Variants in NRXN3 observed in about 807,000 individuals in gnomAD.
NRXN3 encodes neurexin 3.
Under a neutral mutation model 137.6 loss-of-function variants are expected in NRXN3, and 32 were observed. The observed-to-expected ratio is 0.23, with a 90% CI of 0.18 to 0.31. The LOEUF is 0.31. NRXN3 is among the 10% of genes least tolerant of loss of function. The pLI, the probability that NRXN3 is intolerant of heterozygous loss-of-function variation, is 1.00. For synonymous variants in NRXN3, 798 were observed against 784.5 expected (o/e 1.02, Z -0.29); for missense variants, 1,574 against 2,062.5 (o/e 0.76, Z 4.59).
chr14:79,138,258 A>G (rs1040337792), intron 15 of NRXN3, among the ~76,000 whole-genome samples: 4 of 152,120 alleles, frequency 2.6e-5, no homozygotes, highest in Non-Finnish European at 5.9e-5. Flanking sequence ...CAGGCTCATG[A>G]TCCTTACGCC....
chr14:78,644,359 T>C (rs1484079149), intron 4 of NRXN3, among the ~76,000 whole-genome samples: 2 of 152,068 alleles, frequency 1.3e-5, no homozygotes, highest in East Asian at 3.9e-4. Flanking sequence ...GATAGTTCTG[T>C]GGGGAAGAAG....
intron 16 of NRXN3, among the ~76,000 whole-genome samples, chr14:79,474,145 G>A (rs2096539248): frequency 6.6e-6 from 1 of 152,130 alleles, no homozygotes; most frequent in Non-Finnish European, 1.5e-5. Context: ...ATCCATTTCT[G>A]TCAGTGAGCT....
chr14:78,879,821 A>T (rs1384930200), intron 10 of NRXN3, among the ~76,000 whole-genome samples: 6 of 151,964 alleles, frequency 3.9e-5, no homozygotes, highest in Non-Finnish European at 8.8e-5. Context: ...CAGTATATCA[A>T]TTTTTTTCCA....
At chr14:79,768,560 G>A (rs1009238623) in intron 19 of NRXN3, among the ~76,000 whole-genome samples, 6 of 152,170 alleles carry the variant, frequency 3.9e-5, no homozygotes, top group Admixed American at 3.3e-4. Flanking sequence ...GCCGCTGAGG[G>A]TCCTGTCTGT....
chr14:79,177,263 T>C (rs2062438103), intron 15 of NRXN3, among the ~76,000 whole-genome samples: 1 of 152,204 alleles, frequency 6.6e-6, no homozygotes, highest in Non-Finnish European at 1.5e-5. Flanking sequence ...GTTATAAATA[T>C]GCATGAGCTG....
At chr14:78,306,402 G>T (rs1231093405) in intron 4 of NRXN3, among the ~76,000 whole-genome samples, 1 of 152,146 alleles carries the variant, frequency 6.6e-6, no homozygotes, top group African/African-American at 2.4e-5. Context: ...AGATCAATAT[G>T]TATACACACA....
intron 15 of NRXN3, among the ~76,000 whole-genome samples, chr14:79,122,331 A>G (rs1391564268): frequency 6.6e-6 from 1 of 152,166 alleles, no homozygotes; most frequent in Non-Finnish European, 1.5e-5. Flanking sequence ...AGCTTGGCTG[A>G]AAGAAACTGG....
intron 19 of NRXN3, among the ~76,000 whole-genome samples, chr14:79,710,220 T>TGATA (rs1023322639): frequency 1.4e-3 from 214 of 152,306 alleles, no homozygotes; most frequent in African/African-American, 5.1e-3. Context: ...AGAATCAATA[T>TGATA]GATATAACTT....
intron 4 of NRXN3, among the ~76,000 whole-genome samples, chr14:78,355,493 G>GCCACTT (rs1453203577): frequency 6.6e-6 from 1 of 152,080 alleles, no homozygotes; most frequent in East Asian, 1.9e-4. Flanking sequence ...CTGGCTCACT[G>GCCACTT]CCACCTCCAC....
At chr14:79,587,784 T>C (rs1197354244) in intron 16 of NRXN3, among the ~76,000 whole-genome samples, 1 of 152,240 alleles carries the variant, frequency 6.6e-6, no homozygotes, top group Non-Finnish European at 1.5e-5. Flanking sequence ...CAGAAATCAG[T>C]AGACTGTCCA....
intron 15 of NRXN3, among the ~76,000 whole-genome samples, chr14:79,193,567 T>C (rs948642156): frequency 4.6e-5 from 7 of 152,252 alleles, no homozygotes; most frequent in Admixed American, 6.5e-5. Context: ...ATGTTTATTA[T>C]TATAAGCTGT....
At chr14:79,003,954 G>A (rs376421120) in intron 15 of NRXN3, among the ~76,000 whole-genome samples, 2 of 152,162 alleles carry the variant, frequency 1.3e-5, no homozygotes, top group African/African-American at 4.8e-5. Context: ...GTGATTGCTT[G>A]ACATGCCAGA....
chr14:79,099,446 C>G (rs926421287), intron 15 of NRXN3, among the ~76,000 whole-genome samples: 1 of 152,014 alleles, frequency 6.6e-6, no homozygotes. Flanking sequence ...AATAACTCTA[C>G]CAAGTCAACA....
intron 15 of NRXN3, among the ~76,000 whole-genome samples, chr14:79,285,871 C>G (rs2082158061): frequency 6.9e-6 from 1 of 145,432 alleles, no homozygotes; most frequent in Non-Finnish European, 1.5e-5. Context: ...CACCGCCCCC[C>G]ACCATCCCCC....
Position 79,340,849 on chromosome 14 carries a change from T to C in NRXN3, c.3263-126372T>C, listed in dbSNP as rs139054270. Among the ~76,000 whole-genome samples, 21 of 152,300 alleles carry C rather than the reference T, an allele frequency of 1.4e-4. No individual in the cohort carries two copies. The East Asian group carries it at 4.1e-3, about 29-fold the overall frequency. ...AGAGAGGATTCTAGTATTTTGGCAGTTGGACGATATCTTATCTCTCTCAAT... is the reference window on the plus strand; with the variant it reads ...AGAGAGGATTCTAGTATTTTGGCAGCTGGACGATATCTTATCTCTCTCAAT... On this transcript the variant is annotated intron_variant, in intron 15 of 20. Coordinates refer to ENST00000335750, the MANE Select transcript of NRXN3 (RefSeq NM_001330195.2).
chr14:78,729,885 A>G (rs2098506497), intron 8 of NRXN3, among the ~76,000 whole-genome samples: 1 of 152,234 alleles, frequency 6.6e-6, no homozygotes, highest in South Asian at 2.1e-4. Context: ...TGAAAGAATG[A>G]ATGCAAAGCA....
intron 2 of NRXN3, among the ~76,000 whole-genome samples, chr14:78,275,543 G>C (rs893975147): frequency 1.3e-5 from 2 of 152,134 alleles, no homozygotes; most frequent in Non-Finnish European, 2.9e-5. Flanking sequence ...TAGGTAAGCT[G>C]TCTTCACATG....
intron 9 of NRXN3, among the ~76,000 whole-genome samples, chr14:78,805,879 G>A (rs1019205558): frequency 6.6e-6 from 1 of 152,010 alleles, no homozygotes; most frequent in South Asian, 2.1e-4. Context: ...AAATAAAAGC[G>A]TATAAGAAAT....
chr14:79,125,911 G>T (rs577290393), intron 15 of NRXN3, among the ~76,000 whole-genome samples: 1 of 151,780 alleles, frequency 6.6e-6, no homozygotes, highest in Non-Finnish European at 1.5e-5. Context: ...TATTTCATAC[G>T]CTTATGCAAC....
Sources: gnomAD v4.1 joint callset for allele counts (sites outside exome capture counted in the v4.1 genomes callset) on GRCh38, gnomAD v4.1.1 for gene constraint, MANE v1.5 for transcripts, NCBI Gene and HGNC (gene_info 2026-07-23, HGNC 2026-07-21) for gene names.